DGKB: variants seen among roughly 807,000 people sequenced by gnomAD.
DGKB encodes 90 kDa diacylglycerol kinase.
A neutral mutation model predicts 114.3 loss-of-function variants in DGKB; 67 were observed. That is an observed-to-expected ratio of 0.59 (90% CI 0.48 to 0.72). The LOEUF is 0.72. Among genes scored for constraint, DGKB ranks in the 30% least tolerant of loss-of-function variants. The pLI, the probability that DGKB is intolerant of heterozygous loss-of-function variation, is 0.00. For synonymous variants in DGKB, 398 were observed against 323.1 expected, an observed-to-expected ratio of 1.23 and a Z score of -2.49; for missense variants, 907 against 975.2, an observed-to-expected ratio of 0.93 and a Z score of 0.93.
chr7:14,786,399 A>G (rs1586499881), intron 2 of DGKB, among the ~76,000 whole-genome samples: 1 of 152,316 alleles, frequency 6.6e-6, no homozygotes, highest in African/African-American at 2.4e-5. Context: ...TTACTTCCCA[A>G]AACAGACTGA....
At chr7:14,270,398 C>T (rs1222917291) in intron 23 of DGKB, among the ~76,000 whole-genome samples, 1 of 152,146 alleles carries the variant, frequency 6.6e-6, no homozygotes, top group Non-Finnish European at 1.5e-5. Flanking sequence ...TTCTAAGTCA[C>T]TGGTCAGCCT....
chr7:14,470,409 T>C (rs1781105686), intron 21 of DGKB, among the ~76,000 whole-genome samples: 1 of 151,894 alleles, frequency 6.6e-6, no homozygotes, highest in Non-Finnish European at 1.5e-5. Context: ...TCTACAATAA[T>C]GAACTTGTCT....
At chr7:14,507,700 C>T (rs957975596) in intron 20 of DGKB, among the ~76,000 whole-genome samples, 4 of 152,108 alleles carry the variant, frequency 2.6e-5, no homozygotes, top group East Asian at 1.9e-4. Context: ...TAGTATGCTA[C>T]GTCTTGCAGC....
chr7:14,835,241 A>G (rs1846986355), intron 2 of DGKB, among the ~76,000 whole-genome samples: 1 of 152,214 alleles, frequency 6.6e-6, no homozygotes, highest in African/African-American at 2.4e-5. Flanking sequence ...CATTTCAGAT[A>G]AGTGTTTTAA....
chr7:14,799,855 G>T (rs2128045135), intron 2 of DGKB, among the ~76,000 whole-genome samples: 1 of 152,234 alleles, frequency 6.6e-6, no homozygotes, highest in East Asian at 1.9e-4. Flanking sequence ...GAATTCTATT[G>T]GTGAAGCACA....
intron 21 of DGKB, among the ~76,000 whole-genome samples, chr7:14,462,604 A>G (rs914389048): frequency 6.6e-6 from 1 of 152,210 alleles, no homozygotes; most frequent in East Asian, 1.9e-4. Context: ...ACACCAACAA[A>G]TGGAAAAACA....
intron 23 of DGKB, among the ~76,000 whole-genome samples, chr7:14,328,008 A>G (rs1239617480): frequency 6.6e-6 from 1 of 152,132 alleles, no homozygotes; most frequent in African/African-American, 2.4e-5. Context: ...TTTTGTGCAC[A>G]TGACTTTTTA....
chr7:14,468,900 G>A (rs1006881945), intron 21 of DGKB, among the ~76,000 whole-genome samples: 1 of 151,970 alleles, frequency 6.6e-6, no homozygotes, highest in African/African-American at 2.4e-5. Flanking sequence ...GCAAATTCAT[G>A]TAAAGTAATA....
chr7:14,678,506 C>A (rs182328111), intron 12 of DGKB, among the ~76,000 whole-genome samples: 79 of 151,988 alleles, frequency 5.2e-4, no homozygotes, highest in Admixed American at 3.3e-3. Context: ...GGACTGCCAA[C>A]AGAAATACAC....
intron 22 of DGKB, among the ~76,000 whole-genome samples, chr7:14,344,826 C>A (rs1046466337): frequency 6.6e-6 from 1 of 151,380 alleles, no homozygotes; most frequent in Admixed American, 6.6e-5. Context: ...AAATGGCAAC[C>A]TTGGGAACTG....
At chr7:14,613,434 A>G (rs1805937808) in intron 15 of DGKB, 21 bp from the exon 16 acceptor site, 4 of 1,393,374 alleles carry the variant, frequency 2.9e-6, no homozygotes, top group Admixed American at 2.1e-5. Context: ...AGTTATATAC[A>G]TGGAAAAATT....
At chr7:14,709,162 A>T (rs1826869089) in intron 6 of DGKB, among the ~76,000 whole-genome samples, 1 of 152,090 alleles carries the variant, frequency 6.6e-6, no homozygotes. Context: ...GAAGGACATG[A>T]ACAGACACTT....
At chr7:14,424,012 T>C (rs920153710) in intron 21 of DGKB, among the ~76,000 whole-genome samples, 1 of 152,048 alleles carries the variant, frequency 6.6e-6, no homozygotes, top group African/African-American at 2.4e-5. Flanking sequence ...TTCAACACCA[T>C]CACCTTAGTT....
chr7:14,383,158 T>C (rs1819760686), intron 21 of DGKB, among the ~76,000 whole-genome samples: 1 of 152,160 alleles, frequency 6.6e-6, no homozygotes, highest in African/African-American at 2.4e-5. Context: ...ATCTCCTGTT[T>C]ATAATGGATT....
chr7:14,660,180 T>G (rs1279362263), intron 13 of DGKB, among the ~76,000 whole-genome samples: 3 of 151,996 alleles, frequency 2.0e-5, no homozygotes, highest in Non-Finnish European at 4.4e-5. Flanking sequence ...TCAAGGATAT[T>G]GGTCTAAAAT....
At chr7:14,458,296 T>C (rs1360481327) in intron 21 of DGKB, among the ~76,000 whole-genome samples, 5 of 152,140 alleles carry the variant, frequency 3.3e-5, no homozygotes, top group Non-Finnish European at 5.9e-5. Flanking sequence ...TCTGATAAAA[T>C]AGTGTAACAA....
intron 13 of DGKB, among the ~76,000 whole-genome samples, chr7:14,663,266 C>T (rs1184975732): frequency 6.6e-6 from 1 of 151,976 alleles, no homozygotes; most frequent in Non-Finnish European, 1.5e-5. Flanking sequence ...CTGGTGTTAT[C>T]TCCTGATACT....
intron 19 of DGKB, among the ~76,000 whole-genome samples, chr7:14,575,052 G>C (rs1414403716): frequency 6.6e-6 from 1 of 152,152 alleles, no homozygotes; most frequent in African/African-American, 2.4e-5. Flanking sequence ...TTGAGGCCAG[G>C]AGTTCCAGGC....
intron 1 of DGKB, among the ~76,000 whole-genome samples, chr7:14,928,888 A>G (rs1258264677): frequency 6.6e-6 from 1 of 151,922 alleles, no homozygotes; most frequent in Non-Finnish European, 1.5e-5. Context: ...CCATCTGTAC[A>G]TATTATCTAG....
Sources: gnomAD v4.1 joint callset for allele counts (sites outside exome capture counted in the v4.1 genomes callset) on GRCh38, gnomAD v4.1.1 for gene constraint, MANE v1.5 for transcripts, NCBI Gene and HGNC (gene_info 2026-07-23, HGNC 2026-07-21) for gene names.